The following EMSY variants were observed in gnomAD, a reference collection of about 807,000 sequenced individuals.
EMSY encodes the protein EMSY transcriptional repressor, BRCA2 interacting.
A neutral mutation model predicts 134.6 loss-of-function variants in EMSY; 26 were observed. The observed-to-expected ratio is 0.19, with a 90% confidence interval of 0.14 to 0.27. The LOEUF is 0.27. EMSY is among the 10% of genes least tolerant of loss of function. The pLI, the probability that EMSY is intolerant of heterozygous loss-of-function variation, is 1.00. For missense variants in EMSY, 1,305 were observed against 1,611.4 expected (o/e 0.81, Z 3.26); for synonymous variants, 579 against 577.8 (o/e 1.00, Z -0.03).
intron 8 of EMSY, among the ~76,000 whole-genome samples, chr11:76,482,362 C>G (rs1175022815): frequency 6.6e-6 from 1 of 152,150 alleles, no homozygotes. Context: ...GATCATAACT[C>G]CTTGCCAGCA....
chr11:76,502,487 A>G (rs1949910829), intron 9 of EMSY, among the ~76,000 whole-genome samples: 1 of 150,030 alleles, frequency 6.7e-6, no homozygotes, highest in Non-Finnish European at 1.5e-5. Context: ...GAAACAGAAG[A>G]AACTCTACCC....
At chr11:76,512,761 T>A (rs1950323293) in intron 9 of EMSY, among the ~76,000 whole-genome samples, 1 of 151,856 alleles carries the variant, frequency 6.6e-6, no homozygotes, top group Non-Finnish European at 1.5e-5. Flanking sequence ...CCTAGCACTT[T>A]AGTTTTATTT....
intron 14 of EMSY, among the ~76,000 whole-genome samples, chr11:76,534,741 G>A: frequency 6.6e-6 from 1 of 152,002 alleles, no homozygotes; most frequent in East Asian, 1.9e-4. Context: ...CTTTCTGTTT[G>A]TCTTGTTTGC....
intron 18 of EMSY, among the ~76,000 whole-genome samples, chr11:76,543,780 C>A (rs3758714): frequency 6.6e-6 from 1 of 152,174 alleles, no homozygotes; most frequent in Non-Finnish European, 1.5e-5. Flanking sequence ...TCTGTGGGGA[C>A]TGGTACAGGC....
At chr11:76,526,657 T>C (rs1363444231) in intron 13 of EMSY, 22 bp downstream of exon 14, 5 of 1,556,862 alleles carry the variant, frequency 3.2e-6, no homozygotes, top group Non-Finnish European at 4.4e-6. Flanking sequence ...GATATGATGA[T>C]TTTTCTTGGC....
rs560404097 is a variant in EMSY, at chr11:76,450,136, G to A, written c.71-1722G>A. ...AGCTTCTGCTTCTACGCTAGATGAT[G>A]TATTTCTCTTCTGCACTTAACTCCC... On this transcript the variant is annotated intron_variant, in intron 2 of 20. Coordinates refer to ENST00000334736, the Ensembl canonical transcript of EMSY. Among the ~76,000 whole-genome samples the A allele has an allele frequency of 9.0e-5, 13 of 144,106 alleles. No homozygotes were observed. In the South Asian group the frequency reaches 2.9e-3, roughly 32 times the overall value. 94.5% of individuals were successfully genotyped at this position (144,106 alleles called of 152,430 possible).
intron 9 of EMSY, among the ~76,000 whole-genome samples, chr11:76,499,879 C>T (rs1241098618): frequency 6.6e-6 from 1 of 151,840 alleles, no homozygotes; most frequent in African/African-American, 2.4e-5. Flanking sequence ...TATAACAAGA[C>T]CTCTGCCCTT....
chr11:76,458,372 T>G lies in EMSY; in HGVS notation c.421+14T>G, dbSNP rs766181632. The G allele has an allele frequency of 1.3e-6, 2 of 1,587,638 alleles. No individual in the cohort carries two copies. The highest frequency in any genetic ancestry group is 8.6e-7 in the Non-Finnish European group (1 of 1,167,012). Reference sequence around the variant, plus strand: ...GAAGCAAGGAAGGTGAGTAGAAAAATATGCCTGTGTTAGAGATTACTTTTC... The same window carrying G: ...GAAGCAAGGAAGGTGAGTAGAAAAAGATGCCTGTGTTAGAGATTACTTTTC... On this transcript the variant is annotated intron_variant, in intron 5 of 20. Transcript: ENST00000334736.
At chr11:76,460,057 G>C in exon 6 of EMSY, 1 of 1,614,170 alleles carries the variant, frequency 6.2e-7, no homozygotes, top group Non-Finnish European at 8.5e-7. Flanking sequence ...TAGTTGTCTT[G>C]CCAAGTGGAA....
exon 17 of EMSY, chr11:76,539,605 CTGA>C: frequency 1.2e-6 from 2 of 1,613,832 alleles, no homozygotes; most frequent in South Asian, 2.2e-5. Flanking sequence ...TCAGAACGCA[CTGA>C]TGAGGGGACA....
At chr11:76,478,641 G>A (rs534643395) in intron 8 of EMSY, among the ~76,000 whole-genome samples, 12 of 151,660 alleles carry the variant, frequency 7.9e-5, no homozygotes, top group South Asian at 4.2e-4. Flanking sequence ...GCGCCCGGCC[G>A]TGAATAATAT....
At chr11:76,449,618 T>C (rs577426565) in intron 2 of EMSY, among the ~76,000 whole-genome samples, 2 of 152,286 alleles carry the variant, frequency 1.3e-5, no homozygotes, top group African/African-American at 2.4e-5. Flanking sequence ...GGCTGCAAAA[T>C]CTGACTGCCT....
At chr11:76,506,611 T>C (rs1950086901) in intron 9 of EMSY, among the ~76,000 whole-genome samples, 1 of 152,174 alleles carries the variant, frequency 6.6e-6, no homozygotes, top group Admixed American at 6.5e-5. Context: ...AAATAGTTTC[T>C]CAAACTCACT....
At chr11:76,487,157 G>T (rs1333062535) in intron 8 of EMSY, among the ~76,000 whole-genome samples, 9 of 152,128 alleles carry the variant, frequency 5.9e-5, no homozygotes, top group Non-Finnish European at 1.2e-4. Flanking sequence ...GTGGGCGCCT[G>T]TAGTCCCAGC....
At chr11:76,445,648 C>T (rs1947350946) in intron 1 of EMSY, among the ~76,000 whole-genome samples, 4 of 152,126 alleles carry the variant, frequency 2.6e-5, no homozygotes, top group Non-Finnish European at 1.5e-5. Flanking sequence ...CGAGCGGGCT[C>T]CGGAAACTAC....
At chr11:76,547,428 A>G (rs1951692640) in intron 20 of EMSY, among the ~76,000 whole-genome samples, 1 of 152,224 alleles carries the variant, frequency 6.6e-6, no homozygotes, top group African/African-American at 2.4e-5. Context: ...ATATTTCCTG[A>G]CAAAAGGATT....
At chr11:76,452,174 T>A (rs1947696356) in intron 3 of EMSY, among the ~76,000 whole-genome samples, 1 of 152,242 alleles carries the variant, frequency 6.6e-6, no homozygotes, top group Non-Finnish European at 1.5e-5. Context: ...TAATCCAGAA[T>A]GAAGAGCGTG....
intron 4 of EMSY, among the ~76,000 whole-genome samples, chr11:76,457,592 A>G (rs1225552948): frequency 6.6e-6 from 1 of 152,192 alleles, no homozygotes; most frequent in Non-Finnish European, 1.5e-5. Flanking sequence ...TTTAACAGGA[A>G]GGATAATAAC....
At chr11:76,486,761 T>G (rs758733955) in intron 8 of EMSY, among the ~76,000 whole-genome samples, 1 of 152,212 alleles carries the variant, frequency 6.6e-6, no homozygotes, top group Non-Finnish European at 1.5e-5. Flanking sequence ...GTTACTCCAG[T>G]TGACTGATAG....
Sources: gnomAD v4.1 joint callset for allele counts (sites outside exome capture counted in the v4.1 genomes callset) on GRCh38, gnomAD v4.1.1 for gene constraint, MANE v1.5 for transcripts, NCBI Gene and HGNC (gene_info 2026-07-23, HGNC 2026-07-21) for gene names.